DLGAP2: variants seen among roughly 807,000 people sequenced by gnomAD.
DLGAP2 encodes disks large-associated protein 2.
Under a neutral mutation model 100.3 loss-of-function variants are expected in DLGAP2, and 26 were observed. The observed-to-expected ratio is 0.26, with a 90% CI of 0.19 to 0.36. The LOEUF is 0.36. DLGAP2 is among the 10% of genes least tolerant of loss of function. The pLI is 1.00. For missense variants in DLGAP2, 1,858 were observed against 1,453.2 expected (o/e 1.28, Z -4.53); for synonymous variants, 886 against 630.1 (o/e 1.41, Z -6.08).
intron 3 of DLGAP2, 80 bp downstream of exon 3, chr8:1,258,963 A>C (rs994915298): frequency 8.7e-7 from 1 of 1,149,574 alleles, no homozygotes; most frequent in South Asian, 4.4e-5. Context: ...TCTACCATGA[A>C]ACGTGTTGGA....
chr8:1,312,451 A>T (rs1416155634), intron 3 of DLGAP2, among the ~76,000 whole-genome samples: 1 of 152,226 alleles, frequency 6.6e-6, no homozygotes, highest in Non-Finnish European at 1.5e-5. Context: ...ACAGATTGGT[A>T]TCCAAAATGT....
intron 3 of DLGAP2, among the ~76,000 whole-genome samples, chr8:1,466,856 C>A (rs934936359): frequency 4.6e-5 from 7 of 152,124 alleles, no homozygotes; most frequent in African/African-American, 1.7e-4. Flanking sequence ...GAAGCTGCTT[C>A]TTTTCTTTCT....
At chr8:783,242 T>C (rs1363432548) in intron 1 of DLGAP2, among the ~76,000 whole-genome samples, 1 of 152,206 alleles carries the variant, frequency 6.6e-6, no homozygotes, top group Non-Finnish European at 1.5e-5. Flanking sequence ...TCTTCATTGC[T>C]CAGAAATACT....
chr8:987,724 C>G (rs764658957), intron 2 of DLGAP2, among the ~76,000 whole-genome samples: 6 of 152,142 alleles, frequency 3.9e-5, no homozygotes, highest in Non-Finnish European at 5.9e-5. Context: ...TCCAAGCCGA[C>G]GACAAGCCCA....
chr8:1,302,429 C>T lies in DLGAP2; in HGVS notation c.106+43546C>T, dbSNP rs1554438372. ...TTTCTGTGAGTTCCCGAGCTCTGCT[C>T]CACACCTGGGACCGGACTCGGAATT... On this transcript the variant is annotated intron_variant, in intron 3 of 14. Transcript: ENST00000637795. 4.8e-5 allele frequency: 6 copies of T among 124,332 alleles called. 1 individual carries two copies. The highest frequency in any genetic ancestry group is 1.5e-4 in the African/African-American group (5 of 34,426). The allele number at this position is 124,332 out of a possible 1,614,324, so 7.7% of individuals were successfully genotyped here.
intron 10 of DLGAP2, among the ~76,000 whole-genome samples, chr8:1,672,818 G>A (rs1798724168): frequency 6.6e-6 from 1 of 152,250 alleles, no homozygotes; most frequent in African/African-American, 2.4e-5. Flanking sequence ...AAATAAACAG[G>A]AGTTTGCATC....
intron 2 of DLGAP2, among the ~76,000 whole-genome samples, chr8:933,275 T>G (rs560500708): frequency 1.3e-5 from 2 of 152,366 alleles, no homozygotes; most frequent in African/African-American, 4.8e-5. Context: ...CCCTCTGTCC[T>G]GGAACAAATG....
chr8:844,634 G>A (rs1797041509), intron 1 of DLGAP2, among the ~76,000 whole-genome samples: 1 of 152,108 alleles, frequency 6.6e-6, no homozygotes, highest in Non-Finnish European at 1.5e-5. Context: ...CCCACTATGG[G>A]GACTCCAAAC....
intron 3 of DLGAP2, among the ~76,000 whole-genome samples, chr8:1,336,586 A>T (rs999628008): frequency 3.3e-5 from 5 of 152,156 alleles, no homozygotes; most frequent in African/African-American, 1.2e-4. Context: ...ACTGGTTCAG[A>T]CTAGTCACAG....
chr8:1,657,917 G>A (rs1798320221), intron 8 of DLGAP2, among the ~76,000 whole-genome samples: 1 of 152,090 alleles, frequency 6.6e-6, no homozygotes, highest in South Asian at 2.1e-4. Flanking sequence ...GGTTTTAGGG[G>A]GCGAAAAGTT....
intron 1 of DLGAP2, chr8:739,149 C>A (rs1820413802): frequency 6.6e-6 from 1 of 152,450 alleles, no homozygotes; most frequent in African/African-American, 2.4e-5. Flanking sequence ...CCAGCCCGGG[C>A]TGTGGGGGGT....
chr8:1,546,780 G>T (rs1434638590), intron 4 of DLGAP2, among the ~76,000 whole-genome samples: 1 of 152,154 alleles, frequency 6.6e-6, no homozygotes, highest in Non-Finnish European at 1.5e-5. Flanking sequence ...ATCTCAGGCT[G>T]CTTAGGGTGG....
intron 3 of DLGAP2, among the ~76,000 whole-genome samples, chr8:1,305,689 GA>G (rs1800473179): frequency 6.6e-6 from 1 of 152,134 alleles, no homozygotes; most frequent in Non-Finnish European, 1.5e-5. Context: ...AACCTGCTGG[GA>G]CAAAAATTAC....
chr8:1,119,254 G>A (rs952768692), intron 2 of DLGAP2, among the ~76,000 whole-genome samples: 2 of 152,188 alleles, frequency 1.3e-5, no homozygotes, highest in African/African-American at 4.8e-5. Context: ...TCTTTTGTAG[G>A]ACTACTTTTA....
intron 2 of DLGAP2, among the ~76,000 whole-genome samples, chr8:1,174,089 G>A (rs1797196549): frequency 6.6e-6 from 1 of 152,186 alleles, no homozygotes; most frequent in South Asian, 2.1e-4. Flanking sequence ...CATGGGAGCA[G>A]TGTTAAACAG....
At chr8:1,111,422 T>C (rs1804954998) in intron 2 of DLGAP2, among the ~76,000 whole-genome samples, 1 of 152,098 alleles carries the variant, frequency 6.6e-6, no homozygotes, top group South Asian at 2.1e-4. Flanking sequence ...TATTTTTGGT[T>C]CCGCGGTACA....
intron 2 of DLGAP2, among the ~76,000 whole-genome samples, chr8:1,076,421 C>T (rs1055666270): frequency 1.3e-5 from 2 of 152,264 alleles, no homozygotes; most frequent in African/African-American, 2.4e-5. Context: ...CGGTATTTTG[C>T]GGAAAGTCGG....
intron 5 of DLGAP2, among the ~76,000 whole-genome samples, chr8:1,562,201 T>C (rs112571961): frequency 2.1e-4 from 4 of 19,388 alleles, no homozygotes; most frequent in Non-Finnish European, 2.8e-4. Flanking sequence ...TTGGGGTGTC[T>C]GCACCTCGTT....
intron 2 of DLGAP2, among the ~76,000 whole-genome samples, chr8:1,208,693 A>T (rs4621829): frequency 0.55 from 83,466 of 151,610 alleles, 25,234 homozygotes; most frequent in African/African-American, 0.81. Context: ...AAACTGTTGC[A>T]GTTCACTGAT....
Sources: gnomAD v4.1 joint callset for allele counts (sites outside exome capture counted in the v4.1 genomes callset) on GRCh38, gnomAD v4.1.1 for gene constraint, MANE v1.5 for transcripts, NCBI Gene and HGNC (gene_info 2026-07-23, HGNC 2026-07-21) for gene names.